Variants in AHR observed in about 807,000 individuals in gnomAD.
AHR encodes the protein AH-receptor.
AHR carries 40 observed loss-of-function variants against 86.8 expected under a neutral mutation model. The observed-to-expected ratio is 0.46, with a 90% CI of 0.36 to 0.60. The LOEUF (loss-of-function observed/expected upper bound fraction) is 0.60, where lower values mean the gene tolerates loss of function less well. Among genes scored for constraint, AHR ranks in the 20% least tolerant of loss-of-function variants. The pLI, the probability that AHR is intolerant of heterozygous loss-of-function variation, is 0.00. For missense variants in AHR, 1,001 were observed against 1,011.6 expected (o/e 0.99, Z 0.14); for synonymous variants, 398 against 354.9 (o/e 1.12, Z -1.37).
intron 2 of AHR, among the ~76,000 whole-genome samples, chr7:17,312,120 C>T (rs537493560): frequency 6.8e-4 from 103 of 152,322 alleles, no homozygotes; most frequent in African/African-American, 2.4e-3. Context: ...TTCAGGCCTC[C>T]TCCCAGCGTC....
At chr7:17,313,938 G>A (rs1012766130) in intron 2 of AHR, among the ~76,000 whole-genome samples, 8 of 151,848 alleles carry the variant, frequency 5.3e-5, no homozygotes, top group African/African-American at 7.3e-5. Context: ...GTGTACACTG[G>A]GCTTGTTGAT....
chr7:17,335,909 C>A, intron 9 of AHR, 123 bp downstream of exon 9: 1 of 1,048,664 alleles, frequency 9.5e-7, no homozygotes, highest in South Asian at 1.6e-5. Context: ...TTTAATTCAT[C>A]TAGAAAGAAG....
At chr7:17,323,632 C>T (rs149512339) in intron 3 of AHR, among the ~76,000 whole-genome samples, 4 of 152,244 alleles carry the variant, frequency 2.6e-5, no homozygotes, top group Non-Finnish European at 5.9e-5. Context: ...ACCATTGTTA[C>T]AAAAAGTAAC....
At chr7:17,328,060 T>G in intron 4 of AHR, among the ~76,000 whole-genome samples, 1 of 151,924 alleles carries the variant, frequency 6.6e-6, no homozygotes, top group Non-Finnish European at 1.5e-5. Context: ...CTGTGTTTCT[T>G]CTTTCGCTTA....
chr7:17,325,015 A>C (rs1481527780), intron 3 of AHR, among the ~76,000 whole-genome samples: 2 of 152,160 alleles, frequency 1.3e-5, no homozygotes, highest in African/African-American at 2.4e-5. Flanking sequence ...AGGAGTTGAA[A>C]TTTTATATAA....
intron 1 of AHR, among the ~76,000 whole-genome samples, chr7:17,309,580 A>G (rs1782041331): frequency 6.6e-6 from 1 of 152,226 alleles, no homozygotes; most frequent in Admixed American, 6.5e-5. Flanking sequence ...ATAATTTATC[A>G]CAAATTTCTC....
rs1292129664 is a variant in AHR at position 17,298,861 on chromosome 7, C to A, written c.-404C>A. On this transcript the variant is annotated 5_prime_UTR_variant, in exon 1 of 11. Coordinates refer to ENST00000242057, the MANE Select transcript of AHR (RefSeq NM_001621.5). ...TCCCTCACCCAAGGGGCCGCGGCGA[C>A]GGTCACGGGGCGCGGCGCCACCGTG... 6 of 398,204 alleles carry A rather than the reference C, an allele frequency of 1.5e-5. No homozygotes were observed. The highest frequency in any genetic ancestry group is 1.8e-5 in the Non-Finnish European group (4 of 226,024). The allele number at this position is 398,204 out of a possible 1,614,324, so 24.7% of individuals were successfully genotyped here. A position where few individuals can be genotyped will look rare whatever the true frequency, so the allele number is the denominator to read the frequency against.
chr7:17,313,202 A>G (rs1295989177), intron 2 of AHR, among the ~76,000 whole-genome samples: 1 of 152,178 alleles, frequency 6.6e-6, no homozygotes, highest in Non-Finnish European at 1.5e-5. Flanking sequence ...ATTTCAGAGC[A>G]CACAGAGAAT....
chr7:17,311,563 GTCTT>G (rs1230034277), intron 2 of AHR, among the ~76,000 whole-genome samples: 7 of 152,046 alleles, frequency 4.6e-5, no homozygotes, highest in Non-Finnish European at 7.4e-5. Flanking sequence ...TTGCTCTCCC[GTCTT>G]TCTTTTGGAC....
chr7:17,336,083 A>G lies in AHR; in HGVS notation c.1160+297A>G, dbSNP rs189926218. 496 of 232,080 alleles carry G rather than the reference A, an allele frequency of 2.1e-3. 4 individuals carry two copies. Among genetic ancestry groups the G allele is most frequent in the Middle Eastern group, 0.017 (12 of 688 alleles). 14.4% of individuals were successfully genotyped at this position (232,080 alleles called of 1,614,324 possible). On this transcript the variant is annotated intron_variant, in intron 9 of 10. Transcript: ENST00000242057. ...GGTAAAAAAGAAGAAAAATATAACAATGCTTTATTTAGAATATATTCTCTA... is the reference window on the plus strand; with the variant it reads ...GGTAAAAAAGAAGAAAAATATAACAGTGCTTTATTTAGAATATATTCTCTA...
intron 2 of AHR, among the ~76,000 whole-genome samples, chr7:17,315,389 T>C (rs927919731): frequency 3.9e-5 from 6 of 152,074 alleles, no homozygotes; most frequent in Admixed American, 2.6e-4. Context: ...GACAAATATC[T>C]GAGATTCAAA....
Position 17,339,923 on chromosome 7 carries a change from T to G in AHR, c.2098T>G (p.Phe700Val). ...GGATTCTATGCCTTATACACAGAAC[T>G]TTATTTCCTGTAATCAGCCTGTATT... Reference protein sequence around the residue: ...EMDSMPYTQNFISCNQPVLPQ... With the variant: ...EMDSMPYTQNVISCNQPVLPQ... Residue 700 changes from phenylalanine (F) to valine (V), a missense_variant, in exon 10 of 11, where the codon TTT becomes GTT. Coordinates refer to ENST00000242057, the MANE Select transcript of AHR (RefSeq NM_001621.5). 6.2e-7 allele frequency: 1 copy of G among 1,614,204 alleles called. No individual in the cohort carries two copies. Among genetic ancestry groups the G allele is most frequent in the South Asian group, 1.1e-5 (1 of 91,080 alleles).
chr7:17,308,352 C>CT (rs989516707), intron 1 of AHR, among the ~76,000 whole-genome samples: 1 of 152,088 alleles, frequency 6.6e-6, no homozygotes, highest in African/African-American at 2.4e-5. Context: ...TCTGTAAAAT[C>CT]TTTTTTCAAG....
At chr7:17,308,748 T>C (rs893663023) in intron 1 of AHR, among the ~76,000 whole-genome samples, 5 of 152,018 alleles carry the variant, frequency 3.3e-5, no homozygotes, top group African/African-American at 1.2e-4. Context: ...TACCGATGTA[T>C]TACCTTTTTT....
chr7:17,299,829 T>C (rs1781936742), intron 1 of AHR, among the ~76,000 whole-genome samples: 1 of 152,222 alleles, frequency 6.6e-6, no homozygotes, highest in East Asian at 1.9e-4. Flanking sequence ...AAGGTACTTT[T>C]TGGTCCCCAC....
At chr7:17,319,523 C>T (rs1012639351) in intron 2 of AHR, among the ~76,000 whole-genome samples, 3 of 152,058 alleles carry the variant, frequency 2.0e-5, no homozygotes, top group Non-Finnish European at 4.4e-5. Flanking sequence ...CAGTGTCAGT[C>T]TCATAGAACT....
intron 6 of AHR, 147 bp from the exon 7 acceptor site, chr7:17,333,765 A>T: frequency 1.6e-6 from 1 of 629,400 alleles, no homozygotes. Flanking sequence ...TGGAGAGAGG[A>T]GTGAAGGAAA....
chr7:17,299,453 C>T (rs1562471981), intron 1 of AHR, 124 bp downstream of exon 1: 1 of 1,113,228 alleles, frequency 9.0e-7, no homozygotes, highest in Non-Finnish European at 1.3e-6. Flanking sequence ...CCGGCACTGC[C>T]CGTGGAATCG....
rs1448813321 is a variant in AHR at position 17,324,343 on chromosome 7, T to A, written c.360+1736T>A. ...GGAAATGGCTGTTTGATTATAACAA[T>A]TGCATAATGACATCTGACTTTATAT... On this transcript the variant is annotated intron_variant, in intron 3 of 10. Coordinates refer to ENST00000242057, the MANE Select transcript of AHR (RefSeq NM_001621.5). 2.0e-5 allele frequency among the ~76,000 whole-genome samples: 3 copies of A among 152,184 alleles called. No individual in the cohort carries two copies. The South Asian group carries it at 6.2e-4, about 31-fold the overall frequency.
Sources: allele counts gnomAD v4.1 joint callset (sites outside exome capture counted in the v4.1 genomes callset), GRCh38; gene constraint gnomAD v4.1.1; transcripts MANE v1.5; gene names NCBI Gene and HGNC (gene_info 2026-07-23, HGNC 2026-07-21).